Variants in CDKAL1 observed in about 807,000 individuals in gnomAD.
CDKAL1 encodes threonylcarbamoyladenosine tRNA methylthiotransferase.
Under a neutral mutation model 68.2 loss-of-function variants are expected in CDKAL1, and 32 were observed. The ratio of observed to expected loss-of-function variants is 0.47; its 90% CI spans 0.35 to 0.63. The LOEUF (loss-of-function observed/expected upper bound fraction) is 0.63, where lower values mean the gene tolerates loss of function less well. CDKAL1 is among the 30% of genes least tolerant of loss of function. The pLI, the probability that CDKAL1 is intolerant of heterozygous loss-of-function variation, is 0.00. For missense variants in CDKAL1, 606 were observed against 696.7 expected (o/e 0.87, Z 1.47); for synonymous variants, 234 against 244.3 (o/e 0.96, Z 0.39).
At chr6:20,671,991 C>T (rs549636078) in intron 5 of CDKAL1, among the ~76,000 whole-genome samples, 96 of 152,246 alleles carry the variant, frequency 6.3e-4, no homozygotes, top group African/African-American at 2.2e-3. Context: ...TCCAAATTTA[C>T]GTAGGTCTAT....
At chr6:21,021,325 C>T (rs1398501256) in intron 11 of CDKAL1, among the ~76,000 whole-genome samples, 1 of 152,042 alleles carries the variant, frequency 6.6e-6, no homozygotes, top group Non-Finnish European at 1.5e-5. Flanking sequence ...CTGGTAGGCA[C>T]TCCTTAAATG....
chr6:20,740,975 G>A (rs1773430853), intron 6 of CDKAL1, among the ~76,000 whole-genome samples: 1 of 152,172 alleles, frequency 6.6e-6, no homozygotes, highest in Non-Finnish European at 1.5e-5. Context: ...GAGATGGAAT[G>A]TGGTAAAAAC....
At chr6:20,741,269 T>G (rs1773445839) in intron 6 of CDKAL1, among the ~76,000 whole-genome samples, 1 of 151,946 alleles carries the variant, frequency 6.6e-6, no homozygotes, top group African/African-American at 2.4e-5. Flanking sequence ...AGATAAACAT[T>G]TTTTTTTCTA....
chr6:20,648,037 T>G (rs1768561057), intron 4 of CDKAL1, among the ~76,000 whole-genome samples: 1 of 145,682 alleles, frequency 6.9e-6, no homozygotes, highest in African/African-American at 2.5e-5. Context: ...ATCATGCCAC[T>G]GCACTCCAGC....
In CDKAL1 at chr6:21,040,676, A is replaced by G. The variant is rs577719271; in HGVS notation, c.1056-24372A>G. On this transcript the variant is annotated intron_variant, in intron 11 of 15. Coordinates refer to ENST00000274695, the MANE Select transcript of CDKAL1 (RefSeq NM_017774.3). The stretch of plus-strand genomic sequence containing the variant: ...TCAGGGTCATTATTTCAGTGCCTAA[A>G]ACAATATTTTAAAAGTAATCTTCAA... Among the ~76,000 whole-genome samples the G allele has an allele frequency of 6.6e-4, 100 of 152,310 alleles. 2 individuals carry two copies. In the South Asian group the frequency reaches 9.5e-3, roughly 15 times the overall value.
chr6:20,901,521 A>C (rs1209497100), intron 9 of CDKAL1, among the ~76,000 whole-genome samples: 1 of 151,092 alleles, frequency 6.6e-6, no homozygotes, highest in East Asian at 2.0e-4. Flanking sequence ...AAAAATACAA[A>C]AAAAAAATAA....
chr6:20,908,815 A>G (rs115370304), intron 9 of CDKAL1, among the ~76,000 whole-genome samples: 2,917 of 152,314 alleles, frequency 0.019, 40 homozygotes, highest in Non-Finnish European at 0.031. Context: ...ATTAAAATTT[A>G]AATAATCTTA....
intron 4 of CDKAL1, among the ~76,000 whole-genome samples, chr6:20,565,091 C>T (rs919828263): frequency 6.6e-6 from 1 of 151,850 alleles, no homozygotes; most frequent in Non-Finnish European, 1.5e-5. Context: ...AGTTTATGAC[C>T]TAGAAAGAGA....
intron 7 of CDKAL1, among the ~76,000 whole-genome samples, chr6:20,778,324 C>A (rs1283897556): frequency 1.3e-5 from 2 of 152,056 alleles, no homozygotes; most frequent in South Asian, 2.1e-4. Flanking sequence ...TCAAGGCACA[C>A]CATTGTGAAA....
intron 13 of CDKAL1, among the ~76,000 whole-genome samples, chr6:21,164,044 C>G (rs1277142767): frequency 6.6e-6 from 1 of 151,944 alleles, no homozygotes; most frequent in South Asian, 2.1e-4. Flanking sequence ...TACCTAGCTC[C>G]AGAATGACCT....
chr6:20,663,110 G>A (rs572662086), intron 5 of CDKAL1, among the ~76,000 whole-genome samples: 10 of 152,242 alleles, frequency 6.6e-5, no homozygotes, highest in Admixed American at 3.9e-4. Context: ...TGCCGGCTGA[G>A]TCTGTCCCTT....
chr6:20,641,290 G>GT (rs1465536957), intron 4 of CDKAL1, among the ~76,000 whole-genome samples: 3 of 152,052 alleles, frequency 2.0e-5, no homozygotes, highest in African/African-American at 7.2e-5. Flanking sequence ...GCGTTGATAA[G>GT]TTTTTTAAGG....
At chr6:20,867,925 G>A (rs114333080) in intron 9 of CDKAL1, among the ~76,000 whole-genome samples, 1,728 of 152,208 alleles carry the variant, frequency 0.011, 31 homozygotes, top group African/African-American at 0.039. Context: ...GGAGGTAAAT[G>A]GCCAAAGTAC....
Position 21,173,369 on chromosome 6 carries a change from G to A in CDKAL1, c.1300-24652G>A, listed in dbSNP as rs965787755. On this transcript the variant is annotated intron_variant, in intron 13 of 15. Coordinates refer to ENST00000274695, the MANE Select transcript of CDKAL1 (RefSeq NM_017774.3). ...TTTCTATTTTTCAATCGACTTGTTT[G>A]GACTTTAATTCAGTGCTTATTTAGG... Among the ~76,000 whole-genome samples, 10 of 152,018 alleles carry A rather than the reference G, an allele frequency of 6.6e-5. No homozygotes were observed. The East Asian group carries it at 1.9e-3, about 29-fold the overall frequency.
intron 9 of CDKAL1, among the ~76,000 whole-genome samples, chr6:20,876,058 T>A (rs1760496100): frequency 6.6e-6 from 1 of 152,248 alleles, no homozygotes; most frequent in Admixed American, 6.5e-5. Context: ...TAACTGCAGA[T>A]TCAAAATTTC....
intron 9 of CDKAL1, among the ~76,000 whole-genome samples, chr6:20,866,642 A>C (rs1004620262): frequency 6.6e-6 from 1 of 152,210 alleles, no homozygotes; most frequent in African/African-American, 2.4e-5. Context: ...AGTTGTGTCC[A>C]TCGTGATTAA....
chr6:20,557,930 TAAACAAAC>T (rs200158880), intron 4 of CDKAL1, among the ~76,000 whole-genome samples: 6 of 151,930 alleles, frequency 3.9e-5, no homozygotes, highest in Admixed American at 2.0e-4. Context: ...GACTCCGTCT[TAAACAAAC>T]AAACAAACAA....
chr6:20,705,236 A>G (rs931111536), intron 5 of CDKAL1, among the ~76,000 whole-genome samples: 2 of 152,238 alleles, frequency 1.3e-5, no homozygotes, highest in Non-Finnish European at 2.9e-5. Context: ...CTTTAGCAAA[A>G]GTAGATATTT....
intron 9 of CDKAL1, among the ~76,000 whole-genome samples, chr6:20,904,757 C>T (rs1483552462): frequency 6.6e-6 from 1 of 151,096 alleles, no homozygotes; most frequent in Non-Finnish European, 1.5e-5. Context: ...GCATTGCACT[C>T]CAGCCTGGGC....
Sources: gnomAD v4.1 joint callset for allele counts (sites outside exome capture counted in the v4.1 genomes callset) on GRCh38, gnomAD v4.1.1 for gene constraint, MANE v1.5 for transcripts, NCBI Gene and HGNC (gene_info 2026-07-23, HGNC 2026-07-21) for gene names.